The following ERBB4 variants were observed in gnomAD, a reference collection of about 807,000 sequenced individuals.
ERBB4 encodes the protein erb-b2 receptor tyrosine kinase 4.
ERBB4 carries 42 observed loss-of-function variants against 158.0 expected under a neutral mutation model. The observed-to-expected ratio is 0.27, with a 90% CI of 0.21 to 0.34. The LOEUF is 0.34. ERBB4 is among the 10% of genes least tolerant of loss of function. The pLI, the probability that ERBB4 is intolerant of heterozygous loss-of-function variation, is 1.00. For missense variants in ERBB4, 1,333 were observed against 1,624.1 expected, an observed-to-expected ratio of 0.82 and a Z score of 3.08; for synonymous variants, 583 against 558.7, an observed-to-expected ratio of 1.04 and a Z score of -0.61.
chr2:212,423,596 G>A (rs147845528), intron 1 of ERBB4, among the ~76,000 whole-genome samples: 1 of 152,250 alleles, frequency 6.6e-6, no homozygotes, highest in Non-Finnish European at 1.5e-5. Context: ...CTGGGTTAGT[G>A]TACAAACATA....
intron 1 of ERBB4, among the ~76,000 whole-genome samples, chr2:212,393,190 T>C (rs1350319842): frequency 6.6e-6 from 1 of 152,060 alleles, no homozygotes; most frequent in Non-Finnish European, 1.5e-5. Flanking sequence ...CAAACTAAAG[T>C]GTCTTTGGGT....
chr2:211,673,365 G>C, intron 13 of ERBB4, 108 bp from the exon 14 acceptor site: 3 of 780,822 alleles, frequency 3.8e-6, no homozygotes, highest in South Asian at 1.4e-5. Context: ...TCTAAAGTTT[G>C]TTTCTCTATG....
At chr2:212,361,393 G>A (rs915782111) in intron 1 of ERBB4, among the ~76,000 whole-genome samples, 2 of 151,630 alleles carry the variant, frequency 1.3e-5, no homozygotes, top group South Asian at 2.1e-4. Context: ...AGACAGAGTG[G>A]CTCTTTCTGG....
intron 20 of ERBB4, among the ~76,000 whole-genome samples, chr2:211,493,919 C>T (rs980264144): frequency 1.3e-5 from 2 of 152,098 alleles, no homozygotes; most frequent in African/African-American, 4.8e-5. Context: ...CTATGATGTT[C>T]TGAAAAGCCA....
intron 3 of ERBB4, among the ~76,000 whole-genome samples, chr2:211,904,365 T>A (rs1031363640): frequency 6.6e-6 from 1 of 152,042 alleles, no homozygotes; most frequent in African/African-American, 2.4e-5. Flanking sequence ...TTTCTAACAA[T>A]CCAAGATTTT....
chr2:212,334,484 T>C (rs1251885690), intron 1 of ERBB4, among the ~76,000 whole-genome samples: 3 of 152,022 alleles, frequency 2.0e-5, no homozygotes, highest in African/African-American at 7.2e-5. Flanking sequence ...AATCCTATAA[T>C]TTCTGTTCCT....
At chr2:211,478,332 AAG>A (rs1390450445) in intron 20 of ERBB4, among the ~76,000 whole-genome samples, 1 of 152,136 alleles carries the variant, frequency 6.6e-6, no homozygotes, top group Non-Finnish European at 1.5e-5. Flanking sequence ...ATGAAGAAAA[AAG>A]TGATAGTATA....
chr2:212,304,065 G>T (rs1454571155), intron 1 of ERBB4, among the ~76,000 whole-genome samples: 3 of 151,530 alleles, frequency 2.0e-5, no homozygotes, highest in African/African-American at 7.3e-5. Context: ...ATCAGATACT[G>T]GAGATTTCAA....
chr2:211,570,332 TTTTTTTTTTTTC>T (rs1193549353), intron 19 of ERBB4, among the ~76,000 whole-genome samples: 1 of 145,296 alleles, frequency 6.9e-6, no homozygotes, highest in Non-Finnish European at 1.5e-5. Context: ...TTGCTTTTTT[TTTTTTTTTTTTC>T]TCAGTAGAGA....
intron 14 of ERBB4, among the ~76,000 whole-genome samples, chr2:211,668,733 C>T (rs1308125484): frequency 1.3e-5 from 2 of 152,088 alleles, no homozygotes; most frequent in African/African-American, 4.8e-5. Flanking sequence ...TAAGATATGG[C>T]TTAATTTGCA....
chr2:211,978,400 A>G (rs11695143), intron 2 of ERBB4, among the ~76,000 whole-genome samples: 5,304 of 44,586 alleles, frequency 0.12, 108 homozygotes, highest in Middle Eastern at 0.21. Context: ...CTGTCTGTCT[A>G]TCTATCTATC....
intron 1 of ERBB4, among the ~76,000 whole-genome samples, chr2:212,445,902 A>G (rs914400002): frequency 1.3e-5 from 2 of 152,176 alleles, no homozygotes; most frequent in African/African-American, 4.8e-5. Context: ...TGTCATGATT[A>G]TTTCCTCTTT....
rs566718048 is a variant in ERBB4, at chr2:212,226,322, C to T, written c.83-101419G>A. On this transcript the variant is annotated intron_variant, in intron 1 of 27. Coordinates refer to ENST00000342788, the MANE Select transcript of ERBB4 (RefSeq NM_005235.3). Reference sequence around the variant, plus strand: ...GAGAACTCAGCACTGGCTGATATCTCAGTTTCAGTTTTGTGAGACACTCTG... The same window carrying T: ...GAGAACTCAGCACTGGCTGATATCTTAGTTTCAGTTTTGTGAGACACTCTG... 3.3e-5 allele frequency among the ~76,000 whole-genome samples: 5 copies of T among 151,990 alleles called. No individual in the cohort carries two copies. The South Asian group carries it at 1.0e-3, about 32-fold the overall frequency.
chr2:211,859,277 GAA>G (rs1358082094), intron 3 of ERBB4, among the ~76,000 whole-genome samples: 2 of 152,040 alleles, frequency 1.3e-5, no homozygotes, highest in Non-Finnish European at 2.9e-5. Flanking sequence ...TCTTTCTCTA[GAA>G]AAAGTCTTTA....
intron 2 of ERBB4, among the ~76,000 whole-genome samples, chr2:212,013,043 C>A (rs1318241814): frequency 6.6e-6 from 1 of 151,436 alleles, no homozygotes; most frequent in Non-Finnish European, 1.5e-5. Flanking sequence ...CCATGCCCAG[C>A]CAAGAAATAC....
intron 14 of ERBB4, among the ~76,000 whole-genome samples, chr2:211,671,626 A>G (rs560552808): frequency 6.6e-6 from 1 of 152,280 alleles, no homozygotes; most frequent in East Asian, 1.9e-4. Context: ...GCCTATGATG[A>G]TTCCCAGCCT....
intron 2 of ERBB4, among the ~76,000 whole-genome samples, chr2:212,064,289 G>A (rs4672636): frequency 0.54 from 81,944 of 151,964 alleles, 24,978 homozygotes; most frequent in East Asian, 0.92. Context: ...GGTGTTACAC[G>A]AAGTTTAAAA....
chr2:211,799,459 C>CATGTCTAA (rs777592770), intron 3 of ERBB4, among the ~76,000 whole-genome samples: 4 of 152,162 alleles, frequency 2.6e-5, no homozygotes, highest in Non-Finnish European at 5.9e-5. Flanking sequence ...AAAATTCTAA[C>CATGTCTAA]ATGTCTAACA....
chr2:211,711,207 T>C (rs1425620956), intron 9 of ERBB4, among the ~76,000 whole-genome samples: 1 of 152,168 alleles, frequency 6.6e-6, no homozygotes, highest in Admixed American at 6.5e-5. Flanking sequence ...GTTCTATTGT[T>C]CTTGCCATTC....
Sources: gnomAD v4.1 joint callset for allele counts (sites outside exome capture counted in the v4.1 genomes callset) on GRCh38, gnomAD v4.1.1 for gene constraint, MANE v1.5 for transcripts, NCBI Gene and HGNC (gene_info 2026-07-23, HGNC 2026-07-21) for gene names.